Variants in CCDC88A observed in about 807,000 individuals in gnomAD.
CCDC88A encodes the protein coiled-coil and HOOK domain protein 88A.
CCDC88A carries 54 observed loss-of-function variants against 234.3 expected under a neutral mutation model. The ratio of observed to expected loss-of-function variants is 0.23; its 90% CI spans 0.19 to 0.29. The LOEUF is 0.29. Ranked by LOEUF, CCDC88A falls within the 10% of genes least tolerant of loss-of-function variation. The pLI, the probability that CCDC88A is intolerant of heterozygous loss-of-function variation, is 1.00. For synonymous variants in CCDC88A, 753 were observed against 737.8 expected (o/e 1.02, Z -0.33); for missense variants, 1,832 against 2,123.4 (o/e 0.86, Z 2.70).
intron 5 of CCDC88A, among the ~76,000 whole-genome samples, chr2:55,371,891 T>C (rs1303344690): frequency 6.6e-6 from 1 of 152,178 alleles, no homozygotes; most frequent in East Asian, 1.9e-4. Flanking sequence ...AAAGAAGATA[T>C]TATGAGAAAA....
intron 2 of CCDC88A, among the ~76,000 whole-genome samples, chr2:55,392,407 C>A (rs1676797771): frequency 6.6e-6 from 1 of 152,204 alleles, no homozygotes; most frequent in Admixed American, 6.5e-5. Context: ...ACTCAATCTA[C>A]AAATTTATTA....
intron 25 of CCDC88A, among the ~76,000 whole-genome samples, chr2:55,304,563 C>T (rs1394153681): frequency 2.6e-5 from 4 of 151,626 alleles, no homozygotes; most frequent in African/African-American, 4.8e-5. Flanking sequence ...CAATAAGCTC[C>T]GATAAACCTA....
intron 2 of CCDC88A, among the ~76,000 whole-genome samples, chr2:55,402,557 T>C (rs1401129277): frequency 2.6e-5 from 4 of 152,228 alleles, no homozygotes; most frequent in Non-Finnish European, 4.4e-5. Flanking sequence ...CTTTCTCTGT[T>C]TTACATTAAA....
intron 29 of CCDC88A, among the ~76,000 whole-genome samples, chr2:55,297,670 C>A (rs1312964566): frequency 1.3e-5 from 2 of 151,538 alleles, no homozygotes; most frequent in African/African-American, 4.9e-5. Flanking sequence ...CTCGGCCTCA[C>A]AAAGTGCTGG....
intron 3 of CCDC88A, among the ~76,000 whole-genome samples, chr2:55,386,384 G>C (rs1675633158): frequency 6.6e-6 from 1 of 151,702 alleles, no homozygotes; most frequent in Non-Finnish European, 1.5e-5. Context: ...AGGACTGCTT[G>C]AGCCCAGACG....
At chr2:55,367,275 C>T (rs1672115673) in intron 5 of CCDC88A, among the ~76,000 whole-genome samples, 1 of 151,970 alleles carries the variant, frequency 6.6e-6, no homozygotes. Context: ...TTAATGGGTA[C>T]AGAGTTTTAG....
rs183294161 is a variant in CCDC88A at position 55,341,497 on chromosome 2, T to G, written c.1334-1849A>C. Among the ~76,000 whole-genome samples the G allele has an allele frequency of 1.1e-4, 16 of 147,792 alleles. No individual in the cohort carries two copies. In the East Asian group the frequency reaches 3.0e-3, roughly 27 times the overall value. On this transcript the variant is annotated intron_variant, in intron 12 of 32. Transcript: ENST00000436346. ...TCTCACTGTGTCACCTAGGCTGGAG[T>G]GCAATAGGATGATCTCAGCTCACTG...
At chr2:55,311,761 G>A (rs1374259641) in intron 23 of CCDC88A, among the ~76,000 whole-genome samples, 1 of 152,186 alleles carries the variant, frequency 6.6e-6, no homozygotes, top group Non-Finnish European at 1.5e-5. Flanking sequence ...AGGCCCAAAT[G>A]TGAGTCTTAA....
chr2:55,357,905 A>G (rs1400993880), intron 7 of CCDC88A, among the ~76,000 whole-genome samples: 2 of 152,076 alleles, frequency 1.3e-5, no homozygotes, highest in African/African-American at 4.8e-5. Flanking sequence ...TCCTTATTCA[A>G]TACATACAGT....
intron 3 of CCDC88A, among the ~76,000 whole-genome samples, chr2:55,379,629 T>C (rs13410452): frequency 0.016 from 2,377 of 152,132 alleles, 69 homozygotes; most frequent in African/African-American, 0.054. Flanking sequence ...ATGCTAAGGA[T>C]AAAAATAAAG....
chr2:55,414,250 G>C (rs916121872), intron 2 of CCDC88A, among the ~76,000 whole-genome samples: 3 of 152,140 alleles, frequency 2.0e-5, no homozygotes, highest in Admixed American at 2.0e-4. Flanking sequence ...AATTTTAGGA[G>C]TATGAAATTA....
In CCDC88A at chr2:55,419,730, A is replaced by T. The variant is rs1246497286; in HGVS notation, c.-651T>A. 6.6e-6 allele frequency: 1 copy of T among 151,428 alleles called. No homozygotes were observed. The highest frequency in any genetic ancestry group is 2.4e-5 in the African/African-American group (1 of 41,126). The allele number at this position is 151,428 out of a possible 1,614,324, so 9.4% of individuals were successfully genotyped here. On this transcript the variant is annotated 5_prime_UTR_variant, in exon 1 of 33. Transcript: ENST00000436346. ...TCCCCTCCCGGGGGTGGGGGCTTGAATGTGTGTCCCTAACCCCCCAGCTTC... is the reference window on the plus strand; with the variant it reads ...TCCCCTCCCGGGGGTGGGGGCTTGATTGTGTGTCCCTAACCCCCCAGCTTC...
chr2:55,299,969 G>A, intron 28 of CCDC88A, 50 bp from the exon 29 acceptor site: 1 of 1,273,104 alleles, frequency 7.9e-7, no homozygotes, highest in Non-Finnish European at 1.1e-6. Context: ...AGCTGATGAT[G>A]CTGATGAGCT....
chr2:55,296,185 G>C, intron 30 of CCDC88A, 73 bp downstream of exon 30: 5 of 970,610 alleles, frequency 5.2e-6, no homozygotes, highest in Admixed American at 3.0e-5. Context: ...AAAAAAAAAA[G>C]CTCTGAAGTT....
rs369148355 is a variant in CCDC88A, at chr2:55,341,337, G to C, written c.1334-1689C>G. Reference sequence around the variant, plus strand: ...TTTTTTTTGTATTTTCAGTAGAGACGGGGTTTCATCATGTTGGCCAGGATG... The same window carrying C: ...TTTTTTTTGTATTTTCAGTAGAGACCGGGTTTCATCATGTTGGCCAGGATG... On this transcript the variant is annotated intron_variant, in intron 12 of 32. Coordinates refer to ENST00000436346, the MANE Select transcript of CCDC88A (RefSeq NM_001365480.1). Among the ~76,000 whole-genome samples the C allele has an allele frequency of 1.6e-4, 25 of 151,544 alleles. No homozygotes were observed. The East Asian group carries it at 4.3e-3, about 26-fold the overall frequency.
chr2:55,416,427 AATAAATAAATAAATAAATATAT>A (rs1415146556), intron 2 of CCDC88A, among the ~76,000 whole-genome samples: 728 of 43,732 alleles, frequency 0.017, 88 homozygotes, highest in Middle Eastern at 0.071. Context: ...GAAGAGGTCA[AATAAATAAATAAATAAATATAT>A]ATATATATAT....
chr2:55,342,840 T>C (rs1407514479), intron 12 of CCDC88A, among the ~76,000 whole-genome samples: 3 of 152,166 alleles, frequency 2.0e-5, no homozygotes, highest in Admixed American at 1.3e-4. Flanking sequence ...GTGTCTGGTA[T>C]AGTATTTTAC....
rs190034143 is a variant in CCDC88A at position 55,404,472 on chromosome 2, C to T, written c.164+14344G>A. 1.7e-4 allele frequency: 26 copies of T among 152,110 alleles called. No individual in the cohort carries two copies. The East Asian group carries it at 5.0e-3, about 29-fold the overall frequency. 9.4% of individuals were successfully genotyped at this position (152,110 alleles called of 1,614,324 possible). ...CTCAATGCTAACTCCATTATAAACC[C>T]ACCAATTAAAGGCAAAATAATAGAT... On this transcript the variant is annotated intron_variant, in intron 2 of 32. Coordinates refer to ENST00000436346, the MANE Select transcript of CCDC88A (RefSeq NM_001365480.1).
chr2:55,362,932 G>C (rs1408493479), intron 6 of CCDC88A, among the ~76,000 whole-genome samples: 1 of 151,906 alleles, frequency 6.6e-6, no homozygotes, highest in Non-Finnish European at 1.5e-5. Context: ...CCAATATAAA[G>C]ATCTTGAAAA....
Sources: allele counts gnomAD v4.1 joint callset (sites outside exome capture counted in the v4.1 genomes callset), GRCh38; gene constraint gnomAD v4.1.1; transcripts MANE v1.5; gene names NCBI Gene and HGNC (gene_info 2026-07-23, HGNC 2026-07-21).